The following KLHL7 variants were observed in gnomAD, a reference collection of about 807,000 sequenced individuals.
KLHL7 encodes kelch like family member 7, also known as kelch-like protein 7.
KLHL7 carries 44 observed loss-of-function variants against 67.4 expected under a neutral mutation model. That is an observed-to-expected ratio of 0.65 (90% CI 0.51 to 0.84). The LOEUF is 0.84. KLHL7 is among the 40% of genes least tolerant of loss of function. The probability of loss-of-function intolerance (pLI) is 0.00; values close to 1 mark genes in which losing one functional copy is unlikely to be tolerated. For synonymous variants in KLHL7, 252 were observed against 243.3 expected (o/e 1.04, Z -0.33); for missense variants, 362 against 718.1 (o/e 0.50, Z 5.67).
chr7:23,133,170 C>A (rs1161805771), intron 4 of KLHL7, among the ~76,000 whole-genome samples: 1 of 152,018 alleles, frequency 6.6e-6, no homozygotes, highest in African/African-American at 2.4e-5. Flanking sequence ...TTTTCTACTT[C>A]TGTGAAGAAT....
chr7:23,130,882 G>C (rs1166103498), intron 4 of KLHL7, among the ~76,000 whole-genome samples: 1 of 152,192 alleles, frequency 6.6e-6, no homozygotes, highest in African/African-American at 2.4e-5. Context: ...GATCAGGCAT[G>C]TCTGGGGAGT....
chr7:23,106,203 C>T (rs1782629415), intron 1 of KLHL7, 57 bp downstream of exon 1: 2 of 1,588,364 alleles, frequency 1.3e-6, no homozygotes, highest in African/African-American at 1.3e-5. Flanking sequence ...GGCTCGGGCC[C>T]CTGGTTCCCG....
At chr7:23,129,506 C>A (rs1396239186) in intron 4 of KLHL7, 2 of 268,426 alleles carry the variant, frequency 7.5e-6, no homozygotes, top group East Asian at 2.1e-4. Context: ...CAATGATTAA[C>A]TTGTATGTGC....
At chr7:23,128,648 C>T (rs1783677081) in intron 4 of KLHL7, among the ~76,000 whole-genome samples, 1 of 151,706 alleles carries the variant, frequency 6.6e-6, no homozygotes, top group Non-Finnish European at 1.5e-5. Context: ...GTAAATGTCA[C>T]GGTAAGTTTT....
chr7:23,158,178 G>A (rs1784763001), intron 7 of KLHL7, among the ~76,000 whole-genome samples: 1 of 152,034 alleles, frequency 6.6e-6, no homozygotes, highest in Non-Finnish European at 1.5e-5. Flanking sequence ...TGTTGCCAGG[G>A]CTGGTCTTGA....
chr7:23,158,749 C>T (rs890929238), intron 7 of KLHL7, among the ~76,000 whole-genome samples: 3 of 152,142 alleles, frequency 2.0e-5, no homozygotes, highest in Admixed American at 6.5e-5. Flanking sequence ...GAGGTGTACA[C>T]ATAAGCACAC....
At chr7:23,158,399 CAAT>C (rs1784768043) in intron 7 of KLHL7, among the ~76,000 whole-genome samples, 1 of 152,044 alleles carries the variant, frequency 6.6e-6, no homozygotes, top group Non-Finnish European at 1.5e-5. Context: ...ACCATGTCAC[CAAT>C]AATTAATATT....
intron 7 of KLHL7, among the ~76,000 whole-genome samples, chr7:23,162,761 C>T (rs940579864): frequency 4.6e-5 from 7 of 152,092 alleles, no homozygotes; most frequent in African/African-American, 9.7e-5. Context: ...TTTTTTAAAG[C>T]GCTTAGAAAC....
intron 5 of KLHL7, among the ~76,000 whole-genome samples, chr7:23,143,354 T>C (rs1339754974): frequency 6.6e-6 from 1 of 152,186 alleles, no homozygotes; most frequent in Non-Finnish European, 1.5e-5. Context: ...ATAGAATTCT[T>C]TATATCTTAA....
At chr7:23,171,592 A>C (rs1330123472) in intron 9 of KLHL7, among the ~76,000 whole-genome samples, 1 of 152,244 alleles carries the variant, frequency 6.6e-6, no homozygotes, top group African/African-American at 2.4e-5. Flanking sequence ...TTTGAAAATG[A>C]GAGTGGTGAC....
intron 6 of KLHL7, 108 bp downstream of exon 6, chr7:23,144,133 G>T (rs1315704037): frequency 1.1e-5 from 11 of 976,608 alleles, no homozygotes; most frequent in Non-Finnish European, 1.7e-5. Context: ...AAACATTCAA[G>T]ATTTTGCTCT....
rs1785293226 is a variant in KLHL7 at position 23,176,241 on chromosome 7, G to C, written c.*1943G>C. 6.6e-6 allele frequency: 1 copy of C among 152,216 alleles called. No homozygotes were observed. Among genetic ancestry groups the C allele is most frequent in the African/African-American group, 2.4e-5 (1 of 41,434 alleles). 9.4% of individuals were successfully genotyped at this position (152,216 alleles called of 1,614,324 possible). ...GTCAGCAGGGTTAGTTCCTTCTGGAGGGTCTGCAGCAGAAACCACACATGC... is the reference window on the plus strand; with the variant it reads ...GTCAGCAGGGTTAGTTCCTTCTGGACGGTCTGCAGCAGAAACCACACATGC... On this transcript the variant is annotated 3_prime_UTR_variant, in exon 11 of 11. Transcript: ENST00000339077.
At chr7:23,114,167 T>C (rs190635866) in intron 1 of KLHL7, among the ~76,000 whole-genome samples, 2 of 152,330 alleles carry the variant, frequency 1.3e-5, no homozygotes, top group Admixed American at 1.3e-4. Flanking sequence ...ATCCATCTGC[T>C]GAGTAGGACA....
chr7:23,139,951 C>A (rs1784120427), intron 4 of KLHL7, among the ~76,000 whole-genome samples: 1 of 139,640 alleles, frequency 7.2e-6, no homozygotes, highest in African/African-American at 2.7e-5. Flanking sequence ...AAAAGCTATT[C>A]TTAGTTGCTG....
At chr7:23,155,500 T>C (rs2128467648) in intron 7 of KLHL7, among the ~76,000 whole-genome samples, 1 of 151,804 alleles carries the variant, frequency 6.6e-6, no homozygotes, top group Non-Finnish European at 1.5e-5. Context: ...CCATCTCTAC[T>C]AAAGCTACAA....
At chr7:23,149,530 C>T (rs1185082796) in intron 6 of KLHL7, among the ~76,000 whole-genome samples, 1 of 152,224 alleles carries the variant, frequency 6.6e-6, no homozygotes, top group Non-Finnish European at 1.5e-5. Context: ...TCTCAAACCC[C>T]TCCCTAGCAT....
At chr7:23,149,177 C>G (rs1784454892) in intron 6 of KLHL7, among the ~76,000 whole-genome samples, 1 of 152,150 alleles carries the variant, frequency 6.6e-6, no homozygotes, top group African/African-American at 2.4e-5. Context: ...CAACTTCTTA[C>G]TGAAAATTTA....
At chr7:23,106,629 T>G (rs1782652266) in intron 1 of KLHL7, 2 of 1,036,672 alleles carry the variant, frequency 1.9e-6, no homozygotes, top group African/African-American at 1.7e-5. Context: ...GTGGAGCTAG[T>G]TGAAGAGGAG....
chr7:23,151,726 T>C lies in KLHL7; in HGVS notation c.794-341T>C, dbSNP rs577853382. Among the ~76,000 whole-genome samples the C allele has an allele frequency of 6.3e-4, 96 of 152,320 alleles. 1 individual carries two copies. Among genetic ancestry groups the C allele is most frequent in the African/African-American group, 1.9e-3 (81 of 41,584 alleles). On this transcript the variant is annotated intron_variant, in intron 6 of 10. Transcript: ENST00000339077. ...TCAGAGATTTTCTAGGTGATTCTAA[T>C]GTAAAGATCAAGAACCACTGGGTTA...
Sources: allele counts gnomAD v4.1 joint callset (sites outside exome capture counted in the v4.1 genomes callset), GRCh38; gene constraint gnomAD v4.1.1; transcripts MANE v1.5; gene names NCBI Gene and HGNC (gene_info 2026-07-23, HGNC 2026-07-21).